MSRA: variants seen among roughly 807,000 people sequenced by gnomAD.
The protein encoded by MSRA is methionine sulfoxide reductase A.
MSRA carries 54 observed loss-of-function variants against 31.3 expected under a neutral mutation model. That is an observed-to-expected ratio of 1.73 (90% CI 1.39 to 2.17). The LOEUF is 2.17. MSRA is among the 30% of genes most tolerant of loss of function. The pLI, the probability that MSRA is intolerant of heterozygous loss-of-function variation, is 0.00. For synonymous variants in MSRA, 169 were observed against 116.5 expected (o/e 1.45, Z -2.90); for missense variants, 507 against 300.9 (o/e 1.69, Z -5.07).
At chr8:10,284,274 C>T (rs1799814387) in intron 3 of MSRA, among the ~76,000 whole-genome samples, 1 of 152,092 alleles carries the variant, frequency 6.6e-6, no homozygotes, top group Non-Finnish European at 1.5e-5. Context: ...CTGCAACCTC[C>T]ACCTCCCAGG....
intron 3 of MSRA, among the ~76,000 whole-genome samples, chr8:10,251,569 A>G (rs1202254737): frequency 6.6e-6 from 1 of 152,148 alleles, no homozygotes; most frequent in Non-Finnish European, 1.5e-5. Flanking sequence ...TGTAGCAGGC[A>G]GGATAAAAAC....
intron 1 of MSRA, among the ~76,000 whole-genome samples, chr8:10,105,668 A>G (rs1369003119): frequency 6.6e-6 from 1 of 152,082 alleles, no homozygotes; most frequent in Non-Finnish European, 1.5e-5. Context: ...TCTCGGTGCA[A>G]TAAGCACTTT....
At chr8:10,080,403 C>G (rs1401372728) in intron 1 of MSRA, among the ~76,000 whole-genome samples, 1 of 151,552 alleles carries the variant, frequency 6.6e-6, no homozygotes, top group South Asian at 2.1e-4. Flanking sequence ...GAAACTCAGG[C>G]AGTTTGGAAG....
intron 1 of MSRA, among the ~76,000 whole-genome samples, chr8:10,137,525 A>G: frequency 6.6e-6 from 1 of 152,238 alleles, no homozygotes; most frequent in Admixed American, 6.5e-5. Flanking sequence ...TTCAATGAAA[A>G]GGGCTTCTAT....
chr8:10,122,067 T>G (rs1801156917), intron 1 of MSRA, among the ~76,000 whole-genome samples: 1 of 152,078 alleles, frequency 6.6e-6, no homozygotes, highest in South Asian at 2.1e-4. Flanking sequence ...CTGTAACTCT[T>G]CAGGGAAGGG....
At chr8:10,428,001 G>T (rs1479471119) in intron 5 of MSRA, 147 bp from the exon 6 acceptor site, 2 of 740,438 alleles carry the variant, frequency 2.7e-6, no homozygotes, top group Non-Finnish European at 4.3e-6. Flanking sequence ...ACTCCACTTG[G>T]AATGCGGAGA....
At chr8:10,329,410 A>T (rs1256600580) in intron 5 of MSRA, among the ~76,000 whole-genome samples, 1 of 152,110 alleles carries the variant, frequency 6.6e-6, no homozygotes, top group Non-Finnish European at 1.5e-5. Context: ...CACCTGCCTC[A>T]TCCTCTTCTG....
chr8:10,268,238 C>T (rs955609033), intron 3 of MSRA, among the ~76,000 whole-genome samples: 2 of 152,160 alleles, frequency 1.3e-5, no homozygotes, highest in African/African-American at 4.8e-5. Flanking sequence ...CTATAACAAG[C>T]AGTTTATTCA....
At chr8:10,419,668 G>A (rs1438091283) in intron 5 of MSRA, among the ~76,000 whole-genome samples, 1 of 152,210 alleles carries the variant, frequency 6.6e-6, no homozygotes, top group East Asian at 1.9e-4. Context: ...CTCTGAGTAT[G>A]TCTCCTGTCA....
At chr8:10,222,528 A>G (rs138679606) in intron 2 of MSRA, among the ~76,000 whole-genome samples, 2 of 152,292 alleles carry the variant, frequency 1.3e-5, no homozygotes, top group African/African-American at 2.4e-5. Flanking sequence ...TGAAATCACT[A>G]TCTCAGAGAT....
intron 5 of MSRA, among the ~76,000 whole-genome samples, chr8:10,406,098 T>C (rs1807799106): frequency 6.6e-6 from 1 of 152,252 alleles, no homozygotes; most frequent in Admixed American, 6.5e-5. Context: ...TTTCCTGCTC[T>C]TTCCCAGTAA....
chr8:10,062,692 C>T (rs141374661), intron 1 of MSRA, among the ~76,000 whole-genome samples: 28 of 152,198 alleles, frequency 1.8e-4, no homozygotes, highest in Admixed American at 3.3e-4. Flanking sequence ...CAGGAAGCAT[C>T]GGGGTTTGGG....
chr8:10,209,274 T>A (rs1247125576), intron 2 of MSRA, among the ~76,000 whole-genome samples: 1 of 152,190 alleles, frequency 6.6e-6, no homozygotes, highest in Non-Finnish European at 1.5e-5. Flanking sequence ...GGTCTTTTGA[T>A]GATTTATTTA....
chr8:10,107,992 C>G (rs915910560), intron 1 of MSRA, among the ~76,000 whole-genome samples: 1 of 152,196 alleles, frequency 6.6e-6, no homozygotes, highest in Non-Finnish European at 1.5e-5. Flanking sequence ...TCCCTTCCCA[C>G]CAATCACTCC....
intron 5 of MSRA, among the ~76,000 whole-genome samples, chr8:10,365,110 C>CT (rs1805081876): frequency 7.4e-6 from 1 of 135,728 alleles, no homozygotes; most frequent in African/African-American, 2.8e-5. Flanking sequence ...GTGCTGACTT[C>CT]TAAGGGCCTT....
At chr8:10,399,009 C>T (rs1807277464) in intron 5 of MSRA, among the ~76,000 whole-genome samples, 1 of 152,162 alleles carries the variant, frequency 6.6e-6, no homozygotes, top group South Asian at 2.1e-4. Context: ...GGGTTCGGCT[C>T]AGCAAATCTG....
At chr8:10,180,210 T>C (rs1806418807) in intron 1 of MSRA, among the ~76,000 whole-genome samples, 1 of 152,206 alleles carries the variant, frequency 6.6e-6, no homozygotes, top group African/African-American at 2.4e-5. Flanking sequence ...TTTGCTGGAA[T>C]GGCTCACAGA....
intron 3 of MSRA, among the ~76,000 whole-genome samples, chr8:10,256,871 C>T (rs917249738): frequency 8.5e-5 from 13 of 152,192 alleles, no homozygotes; most frequent in Non-Finnish European, 2.9e-5. Flanking sequence ...GGCTTCATCT[C>T]CTGCCCTCCT....
At chr8:10,125,471 A>C (rs1801432013) in intron 1 of MSRA, among the ~76,000 whole-genome samples, 1 of 152,216 alleles carries the variant, frequency 6.6e-6, no homozygotes, top group Non-Finnish European at 1.5e-5. Flanking sequence ...GTGCAGTGGT[A>C]CCAGGGCCAG....
Sources: allele counts gnomAD v4.1 joint callset (sites outside exome capture counted in the v4.1 genomes callset), GRCh38; gene constraint gnomAD v4.1.1; transcripts MANE v1.5; gene names NCBI Gene and HGNC (gene_info 2026-07-23, HGNC 2026-07-21).